ITPK1: variants seen among roughly 807,000 people sequenced by gnomAD.
ITPK1 encodes the protein inositol-tetrakisphosphate 1-kinase.
In ITPK1, 21 loss-of-function variants were observed where a neutral mutation model predicts 45.3. The ratio of observed to expected loss-of-function variants is 0.46; its 90% CI spans 0.33 to 0.67. ITPK1 has a LOEUF of 0.67. ITPK1 is among the 30% of genes least tolerant of loss of function. The pLI is 0.02. For missense variants in ITPK1, 474 were observed against 573.5 expected (o/e 0.83, Z 1.77); for synonymous variants, 258 against 253.6 (o/e 1.02, Z -0.16).
At chr14:93,040,734 C>G (rs1889526531) in intron 3 of ITPK1, among the ~76,000 whole-genome samples, 1 of 152,152 alleles carries the variant, frequency 6.6e-6, no homozygotes, top group South Asian at 2.1e-4. Flanking sequence ...CTCTGTGCCC[C>G]CTCTGGGTCA....
intron 2 of ITPK1, 58 bp downstream of exon 2, chr14:93,115,011 G>A: frequency 3.0e-6 from 3 of 989,310 alleles, no homozygotes; most frequent in South Asian, 1.5e-5. Flanking sequence ...GGCTCGGGCC[G>A]GGGGTCACCG....
intron 2 of ITPK1, among the ~76,000 whole-genome samples, chr14:93,092,321 T>C (rs1273185788): frequency 6.6e-6 from 1 of 152,124 alleles, no homozygotes; most frequent in Non-Finnish European, 1.5e-5. Context: ...CATCCAGGCC[T>C]CCTGACCCCC....
chr14:92,941,589 G>A lies in ITPK1; in HGVS notation c.1217C>T (p.Ser406Phe). Reference protein sequence around the residue: ...SPSFQQHCVASLATKASSQ With the variant: ...SPSFQQHCVAFLATKASSQ ...CTGGGAGGAGGCCTTGGTGGCCAGG[G>A]AGGCCACACAATGCTGCTGGAAGCT... Residue 406 changes from serine (S) to phenylalanine (F), a missense_variant, in exon 11 of 11, where the codon TCC becomes TTC. Transcript: ENST00000267615. The A allele has an allele frequency of 6.5e-7, 1 of 1,537,590 alleles. No individual in the cohort carries two copies. Among genetic ancestry groups the A allele is most frequent in the Non-Finnish European group, 8.7e-7 (1 of 1,144,502 alleles).
intron 3 of ITPK1, among the ~76,000 whole-genome samples, chr14:93,046,301 G>A (rs1889768919): frequency 1.3e-5 from 2 of 152,190 alleles, no homozygotes; most frequent in African/African-American, 4.8e-5. Flanking sequence ...TTTCTATTCT[G>A]AGGAGGTAGA....
At chr14:93,033,423 A>G (rs117133757) in intron 3 of ITPK1, among the ~76,000 whole-genome samples, 4,169 of 152,242 alleles carry the variant, frequency 0.027, 98 homozygotes, top group Admixed American at 0.085. Context: ...CACAACAGCC[A>G]ATGCCCCCCA....
chr14:92,988,358 G>A (rs929557573), intron 5 of ITPK1, among the ~76,000 whole-genome samples: 1 of 152,174 alleles, frequency 6.6e-6, no homozygotes, highest in Non-Finnish European at 1.5e-5. Flanking sequence ...AGGCACTGGC[G>A]ACCCACTTCC....
intron 5 of ITPK1, among the ~76,000 whole-genome samples, chr14:92,985,426 T>C (rs1886445238): frequency 6.6e-6 from 1 of 151,998 alleles, no homozygotes; most frequent in Non-Finnish European, 1.5e-5. Context: ...CTGTGTACTA[T>C]CTTTGCAACT....
chr14:92,947,732 T>C (rs574923149), intron 9 of ITPK1, among the ~76,000 whole-genome samples: 2 of 152,220 alleles, frequency 1.3e-5, no homozygotes, highest in East Asian at 1.9e-4. Flanking sequence ...GCTCAATAAA[T>C]AGTGAAGTTT....
chr14:92,997,137 A>G (rs1566724144), intron 4 of ITPK1, among the ~76,000 whole-genome samples: 2 of 152,236 alleles, frequency 1.3e-5, no homozygotes, highest in African/African-American at 4.8e-5. Context: ...AAGGGGGCCA[A>G]CAGCCGAGCA....
chr14:93,031,790 C>A (rs1889075057), intron 3 of ITPK1, among the ~76,000 whole-genome samples: 1 of 152,192 alleles, frequency 6.6e-6, no homozygotes, highest in Non-Finnish European at 1.5e-5. Context: ...CAATAAAAAA[C>A]ATATTTCAAT....
At chr14:93,106,926 T>C (rs1341307590) in intron 2 of ITPK1, among the ~76,000 whole-genome samples, 1 of 151,636 alleles carries the variant, frequency 6.6e-6, no homozygotes, top group Non-Finnish European at 1.5e-5. Context: ...GAAAAAGGCT[T>C]CCAAAAACCA....
chr14:92,950,715 C>T (rs1887918583), intron 9 of ITPK1, among the ~76,000 whole-genome samples: 1 of 152,260 alleles, frequency 6.6e-6, no homozygotes, highest in South Asian at 2.1e-4. Context: ...CCCTCCATTG[C>T]ATGGGCTGCC....
chr14:93,113,922 G>T (rs1187136294), intron 2 of ITPK1, among the ~76,000 whole-genome samples: 3 of 152,196 alleles, frequency 2.0e-5, no homozygotes, highest in Non-Finnish European at 4.4e-5. Flanking sequence ...CTTGGGAAAG[G>T]CATGAGGCAC....
At position 93,058,754 on chromosome 14, in the gene ITPK1, G is replaced by A. The variant is rs1374008772; in HGVS notation, c.120+17841C>T. Among the ~76,000 whole-genome samples the A allele has an allele frequency of 3.4e-3, 106 of 31,270 alleles. 2 individuals are homozygous for A. Among genetic ancestry groups the A allele is most frequent in the Non-Finnish European group, 4.6e-3 (71 of 15,280 alleles). 20.5% of individuals were successfully genotyped at this position (31,270 alleles called of 152,430 possible). A position where few individuals can be genotyped will look rare whatever the true frequency, so the allele number is the denominator to read the frequency against. ...TGCGGATCATGAGGCAAGGGTGAACGGGGTGCGGGTTACGAGGGAGGGTGG... is the reference window on the plus strand; with the variant it reads ...TGCGGATCATGAGGCAAGGGTGAACAGGGTGCGGGTTACGAGGGAGGGTGG... On this transcript the variant is annotated intron_variant, in intron 3 of 10. Coordinates refer to ENST00000267615, the MANE Select transcript of ITPK1 (RefSeq NM_014216.6).
intron 5 of ITPK1, among the ~76,000 whole-genome samples, chr14:92,993,410 G>A (rs1255741083): frequency 1.3e-5 from 2 of 152,158 alleles, no homozygotes; most frequent in African/African-American, 2.4e-5. Context: ...GGGAGGCGCC[G>A]CAGTGAAGAG....
chr14:92,978,185 C>T (rs1886042991), intron 5 of ITPK1, among the ~76,000 whole-genome samples: 1 of 151,930 alleles, frequency 6.6e-6, no homozygotes, highest in South Asian at 2.1e-4. Flanking sequence ...CTCTAGAGAT[C>T]TGTGGAACTT....
chr14:93,079,970 CTGTA>C (rs1400787707), intron 2 of ITPK1, among the ~76,000 whole-genome samples: 1 of 152,212 alleles, frequency 6.6e-6, no homozygotes, highest in Non-Finnish European at 1.5e-5. Context: ...AATTACCAAA[CTGTA>C]TGTGATAGCA....
intron 2 of ITPK1, among the ~76,000 whole-genome samples, chr14:93,100,554 GAGACAGAGAGAGAGAGAGAC>G (rs909928869): frequency 6.8e-6 from 1 of 147,088 alleles, no homozygotes; most frequent in East Asian, 2.0e-4. Context: ...GAGAGAGAGA[GAGACAGAGAGAGAGAGAGAC>G]AGACAGACAG....
intron 4 of ITPK1, among the ~76,000 whole-genome samples, chr14:93,003,403 C>A (rs1466444887): frequency 6.6e-6 from 1 of 152,172 alleles, no homozygotes; most frequent in East Asian, 1.9e-4. Flanking sequence ...TTCCTGGCAC[C>A]TCCCAGAACA....
Sources: gnomAD v4.1 joint callset for allele counts (sites outside exome capture counted in the v4.1 genomes callset) on GRCh38, gnomAD v4.1.1 for gene constraint, MANE v1.5 for transcripts, NCBI Gene and HGNC (gene_info 2026-07-23, HGNC 2026-07-21) for gene names.